Variants in DNAAF10 observed in about 807,000 individuals in gnomAD.
DNAAF10 encodes dynein axonemal assembly factor 10, also known as WD repeat domain 92.
DNAAF10 carries 28 observed loss-of-function variants against 43.7 expected under a neutral mutation model. The observed-to-expected ratio is 0.64, with a 90% CI of 0.48 to 0.88. DNAAF10 has a LOEUF of 0.88. Among genes scored for constraint, DNAAF10 ranks in the 40% least tolerant of loss-of-function variants. The pLI, the probability that DNAAF10 is intolerant of heterozygous loss-of-function variation, is 0.00. For missense variants in DNAAF10, 403 were observed against 439.1 expected (o/e 0.92, Z 0.73); for synonymous variants, 156 against 157.3 (o/e 0.99, Z 0.06).
At position 68,157,323 on chromosome 2, in the gene DNAAF10, G is replaced by C; in HGVS notation, c.121C>G (p.Arg41Gly). ...TACAGCTGAATGACGCCGGTGCCCC[G>C]TGCGAAGTTGCCCATGGTCACAAAT... ...AKFVTMGNFA[R>G]GTGVIQLYEI... The change falls in exon 1 of 8, where the codon CGG (arginine) becomes GGG (glycine). Residue 41 changes from arginine (R) to glycine (G), a missense_variant. Coordinates refer to ENST00000295121, the MANE Select transcript of DNAAF10 (RefSeq NM_138458.4). The C allele has an allele frequency of 1.2e-6, 2 of 1,614,158 alleles. No individual in the cohort carries two copies. Among genetic ancestry groups the C allele is most frequent in the Non-Finnish European group, 1.7e-6 (2 of 1,180,028 alleles).
chr2:68,144,801 A>C (rs761538717), intron 2 of DNAAF10, 86 bp from the exon 3 acceptor site: 92 of 1,462,956 alleles, frequency 6.3e-5, no homozygotes, highest in Non-Finnish European at 8.1e-5. Flanking sequence ...TTATAGTTAG[A>C]TTTTTTCTGT....
rs1172155083 is a variant in DNAAF10, at chr2:68,147,644, G to A, written c.184-77C>T. On this transcript the variant is annotated intron_variant, in intron 1 of 7. Coordinates refer to ENST00000295121, the MANE Select transcript of DNAAF10 (RefSeq NM_138458.4). ...ATAATCTATTAATATCATATTTATG[G>A]CTCTATTATGGCATTTAAATAAGAC... 3.6e-5 allele frequency: 36 copies of A among 1,011,438 alleles called. 1 individual carries two copies. The highest frequency in any genetic ancestry group is 1.8e-5 in the South Asian group (1 of 54,852). 62.7% of individuals were successfully genotyped at this position (1,011,438 alleles called of 1,614,324 possible).
intron 6 of DNAAF10, among the ~76,000 whole-genome samples, chr2:68,137,020 G>C (rs911941263): frequency 6.6e-5 from 10 of 152,138 alleles, no homozygotes; most frequent in Non-Finnish European, 1.3e-4. Flanking sequence ...GGGTTTTGTT[G>C]ATCAAATTCC....
intron 1 of DNAAF10, among the ~76,000 whole-genome samples, chr2:68,155,619 G>C (rs1434935712): frequency 6.6e-6 from 1 of 152,114 alleles, no homozygotes; most frequent in East Asian, 1.9e-4. Context: ...TTTGAGCCCA[G>C]GAGTTCCAGG....
At chr2:68,155,599 G>A (rs939724753) in intron 1 of DNAAF10, among the ~76,000 whole-genome samples, 5 of 152,066 alleles carry the variant, frequency 3.3e-5, no homozygotes, top group Admixed American at 6.5e-5. Context: ...AGGGAGAGGC[G>A]GGAGGATGGT....
At chr2:68,135,943 A>G (rs575160766) in intron 6 of DNAAF10, among the ~76,000 whole-genome samples, 2 of 152,282 alleles carry the variant, frequency 1.3e-5, no homozygotes, top group African/African-American at 4.8e-5. Flanking sequence ...GGCCAGGTAT[A>G]GTGGCTCACG....
intron 1 of DNAAF10, among the ~76,000 whole-genome samples, chr2:68,153,138 G>A (rs1256439595): frequency 1.3e-5 from 2 of 152,026 alleles, no homozygotes. Flanking sequence ...AGAGCTTTTA[G>A]CTCCCACTTG....
At chr2:68,134,465 A>G (rs1672989142) in intron 7 of DNAAF10, 2 of 1,293,390 alleles carry the variant, frequency 1.5e-6, no homozygotes, top group East Asian at 4.0e-5. Flanking sequence ...TACTTAGAAG[A>G]CACAACTAAA....
intron 3 of DNAAF10, among the ~76,000 whole-genome samples, chr2:68,142,235 T>C (rs992349304): frequency 1.3e-5 from 2 of 152,180 alleles, no homozygotes; most frequent in African/African-American, 4.8e-5. Flanking sequence ...CTTATGTGAG[T>C]TCTAGAATAC....
chr2:68,135,044 G>C (rs1411037346), intron 6 of DNAAF10, among the ~76,000 whole-genome samples: 1 of 151,948 alleles, frequency 6.6e-6, no homozygotes, highest in Non-Finnish European at 1.5e-5. Context: ...TAAAAAGACA[G>C]GTATTAAAAT....
In DNAAF10 at chr2:68,157,501, C is replaced by G; in HGVS notation, c.-58G>C. 6.2e-7 allele frequency: 1 copy of G among 1,611,528 alleles called. No homozygotes were observed. Among genetic ancestry groups the G allele is most frequent in the Non-Finnish European group, 8.5e-7 (1 of 1,177,626 alleles). On this transcript the variant is annotated 5_prime_UTR_variant, in exon 1 of 8. Transcript: ENST00000295121. ...CACCCAGAGCCCCCAAAAACGGCAA[C>G]CTGGAAACCAGACTCCAAACATTGG...
At position 68,138,836 on chromosome 2, in the gene DNAAF10, TC is replaced by T. The variant is rs1441894960; in HGVS notation, c.538del (p.Glu180AsnfsTer43). ...GTCATAGCCAGCACAAACAACACGT[TC>T]TTCTTGATTATAAGCATTGCCTGGA... ...VAFGNAYNQE[E>X]RVVCAGYDNG... On this transcript the variant is annotated frameshift_variant, in exon 5 of 8. Coordinates refer to ENST00000295121, the MANE Select transcript of DNAAF10 (RefSeq NM_138458.4). LOFTEE classifies it high-confidence loss of function. 1 of 1,613,710 alleles carries T rather than the reference TC, an allele frequency of 6.2e-7. No homozygotes were observed. Among genetic ancestry groups the T allele is most frequent in the Non-Finnish European group, 8.5e-7 (1 of 1,179,724 alleles).
At chr2:68,139,134 C>G (rs954076536) in intron 4 of DNAAF10, among the ~76,000 whole-genome samples, 7 of 152,100 alleles carry the variant, frequency 4.6e-5, no homozygotes, top group Non-Finnish European at 1.0e-4. Context: ...GAGGTGGGGC[C>G]TGATGGGAGG....
At chr2:68,154,382 G>T (rs1422330298) in intron 1 of DNAAF10, among the ~76,000 whole-genome samples, 1 of 152,094 alleles carries the variant, frequency 6.6e-6, no homozygotes, top group Non-Finnish European at 1.5e-5. Flanking sequence ...GAGTAGCTGG[G>T]ACTACAGGCG....
At chr2:68,135,369 T>C (rs1673015503) in intron 6 of DNAAF10, among the ~76,000 whole-genome samples, 1 of 152,202 alleles carries the variant, frequency 6.6e-6, no homozygotes, top group Non-Finnish European at 1.5e-5. Context: ...ATAAGGACCA[T>C]GAGGACTTAC....
chr2:68,133,084 G>A (rs116343294), intron 7 of DNAAF10, among the ~76,000 whole-genome samples: 70 of 152,280 alleles, frequency 4.6e-4, no homozygotes, highest in African/African-American at 1.6e-3. Context: ...GGAGGAGACC[G>A]GGATGGAAGA....
Position 68,130,174 on chromosome 2 carries a change from G to C in DNAAF10, c.*1064C>G, listed in dbSNP as rs1214065986. 1 of 143,064 alleles carries C rather than the reference G, an allele frequency of 7.0e-6. No individual in the cohort carries two copies. Among genetic ancestry groups the C allele is most frequent in the Non-Finnish European group, 1.5e-5 (1 of 66,506 alleles). 8.9% of individuals were successfully genotyped at this position (143,064 alleles called of 1,614,324 possible). On this transcript the variant is annotated 3_prime_UTR_variant, in exon 8 of 8. Coordinates refer to ENST00000295121, the MANE Select transcript of DNAAF10 (RefSeq NM_138458.4). ...GAGACGGAGTCTCACTCTGTCGCCA[G>C]GGCTGGAGTGCAGTGGCGCAATCTC...
chr2:68,154,764 C>G (rs1358771464), intron 1 of DNAAF10, among the ~76,000 whole-genome samples: 1 of 151,994 alleles, frequency 6.6e-6, no homozygotes, highest in Non-Finnish European at 1.5e-5. Context: ...ACATACAAAT[C>G]ATATATTTTC....
chr2:68,139,621 TA>T lies in DNAAF10; in HGVS notation c.518-765del, dbSNP rs545959875. ...TAACACAGTGAAACCCTGTCTCTAC[TA>T]AAAAAAAAAAAAAAAGAAAAAAATA... On this transcript the variant is annotated intron_variant, in intron 4 of 7. Transcript: ENST00000295121. 5.5e-3 allele frequency among the ~76,000 whole-genome samples: 625 copies of T among 114,032 alleles called. 8 individuals are homozygous for T. The highest frequency in any genetic ancestry group is 0.031 in the Admixed American group (346 of 11,156). The allele number at this position is 114,032 out of a possible 152,430, so 74.8% of individuals were successfully genotyped here.
Sources: gnomAD v4.1 joint callset for allele counts (sites outside exome capture counted in the v4.1 genomes callset) on GRCh38, gnomAD v4.1.1 for gene constraint, MANE v1.5 for transcripts, NCBI Gene and HGNC (gene_info 2026-07-23, HGNC 2026-07-21) for gene names.